FER: variants seen among roughly 807,000 people sequenced by gnomAD.
FER encodes the protein FER tyrosine kinase, also known as tyrosine-protein kinase Fer.
FER carries 63 observed loss-of-function variants against 111.0 expected under a neutral mutation model. The observed-to-expected ratio is 0.57, with a 90% CI of 0.46 to 0.70. The LOEUF (loss-of-function observed/expected upper bound fraction) is 0.70, where lower values mean the gene tolerates loss of function less well. FER is among the 30% of genes least tolerant of loss of function. The probability of loss-of-function intolerance (pLI) is 0.00; values close to 1 mark genes in which losing one functional copy is unlikely to be tolerated. For synonymous variants in FER, 327 were observed against 313.9 expected, an observed-to-expected ratio of 1.04 and a Z score of -0.44; for missense variants, 914 against 954.0, an observed-to-expected ratio of 0.96 and a Z score of 0.55.
intron 10 of FER, among the ~76,000 whole-genome samples, chr5:108,941,324 T>C (rs1027504276): frequency 5.9e-5 from 9 of 152,102 alleles, no homozygotes; most frequent in African/African-American, 2.2e-4. Flanking sequence ...TTGAGGAAAA[T>C]ATTCTTGAAT....
At chr5:109,011,939 G>A (rs1477547074) in intron 13 of FER, among the ~76,000 whole-genome samples, 1 of 152,180 alleles carries the variant, frequency 6.6e-6, no homozygotes, top group Admixed American at 6.5e-5. Flanking sequence ...TCATGCGTCA[G>A]TTACTTTGCT....
intron 16 of FER, among the ~76,000 whole-genome samples, chr5:109,097,918 G>A (rs192240571): frequency 9.5e-4 from 145 of 151,910 alleles, no homozygotes; most frequent in African/African-American, 3.2e-3. Context: ...TAGGCTTGTG[G>A]AATGGTGGAA....
Position 108,872,139 on chromosome 5 carries a change from C to G in FER, c.850C>G (p.Leu284Val), listed in dbSNP as rs199857892. ...EQEIEFDTSLLEENENLQANE... is the reference protein window; with the variant it reads ...EQEIEFDTSLVEENENLQANE... ...AGAAATAGAGTTTGATACTTCCTTA[C>G]TGGAAGAAAATGAAAATCTTCAGGC... Residue 284 changes from leucine to valine, a missense_variant, in exon 8 of 20, where the codon CTG becomes GTG. Leu to Val is a conservative substitution (Grantham distance 32). Transcript: ENST00000281092. 93 of 1,611,308 alleles carry G rather than the reference C, an allele frequency of 5.8e-5. No homozygotes were observed. The highest frequency in any genetic ancestry group is 8.4e-5 in the Admixed American group (5 of 59,600).
intron 10 of FER, among the ~76,000 whole-genome samples, chr5:108,917,174 T>C (rs1046354451): frequency 2.6e-5 from 4 of 152,200 alleles, no homozygotes; most frequent in African/African-American, 9.6e-5. Flanking sequence ...ACTTTTTTGC[T>C]AGCTATTTAA....
At chr5:109,111,836 C>T (rs1032750221) in intron 17 of FER, among the ~76,000 whole-genome samples, 5 of 152,078 alleles carry the variant, frequency 3.3e-5, no homozygotes, top group Non-Finnish European at 7.3e-5. Flanking sequence ...TCAGGTCCTC[C>T]CCCAACATTG....
intron 17 of FER, among the ~76,000 whole-genome samples, chr5:109,114,648 A>G (rs1750017603): frequency 1.3e-5 from 2 of 152,142 alleles, no homozygotes; most frequent in Non-Finnish European, 1.5e-5. Flanking sequence ...TACAGAAAAT[A>G]TGTAAAAGGA....
chr5:109,181,906 T>C (rs1338081793), intron 18 of FER, among the ~76,000 whole-genome samples: 1 of 152,216 alleles, frequency 6.6e-6, no homozygotes, highest in Admixed American at 6.5e-5. Context: ...CCTCCTCCCA[T>C]TCTTCCGTTC....
intron 3 of FER, among the ~76,000 whole-genome samples, chr5:108,813,385 G>T (rs1461551775): frequency 6.6e-6 from 1 of 151,936 alleles, no homozygotes. Flanking sequence ...TTGTGCTAGG[G>T]TCTTGTTGAC....
At chr5:108,774,378 CT>C (rs2149977174) in intron 2 of FER, among the ~76,000 whole-genome samples, 1 of 152,156 alleles carries the variant, frequency 6.6e-6, no homozygotes, top group Admixed American at 6.5e-5. Flanking sequence ...GTGTGTGTGT[CT>C]TTATAGTAGA....
intron 16 of FER, among the ~76,000 whole-genome samples, chr5:109,072,784 C>G (rs1458534090): frequency 6.6e-6 from 1 of 152,054 alleles, no homozygotes; most frequent in African/African-American, 2.4e-5. Context: ...TCTCACAACT[C>G]TGAAAGTTAG....
intron 10 of FER, among the ~76,000 whole-genome samples, chr5:108,932,323 C>T (rs1754803295): frequency 6.6e-6 from 1 of 152,160 alleles, no homozygotes; most frequent in African/African-American, 2.4e-5. Context: ...TTTCCCGCTT[C>T]ATCCATGTTC....
intron 10 of FER, among the ~76,000 whole-genome samples, chr5:108,901,524 T>C (rs1291741640): frequency 3.3e-5 from 5 of 152,124 alleles, no homozygotes; most frequent in Admixed American, 3.3e-4. Flanking sequence ...CCAGTGACAG[T>C]AAGCAGAATC....
intron 10 of FER, among the ~76,000 whole-genome samples, chr5:108,934,174 T>G (rs1370019715): frequency 6.6e-6 from 1 of 152,162 alleles, no homozygotes; most frequent in Non-Finnish European, 1.5e-5. Flanking sequence ...CAGCGTTTGC[T>G]TGGCTTTCTG....
intron 17 of FER, among the ~76,000 whole-genome samples, chr5:109,134,075 T>C (rs144970123): frequency 1.3e-5 from 2 of 152,278 alleles, no homozygotes; most frequent in Admixed American, 1.3e-4. Context: ...TTCCTAAGTA[T>C]CTTATTTCTC....
chr5:109,087,489 G>C (rs769287882), intron 16 of FER, among the ~76,000 whole-genome samples: 1 of 151,558 alleles, frequency 6.6e-6, no homozygotes, highest in Admixed American at 6.6e-5. Context: ...ATCCAACACT[G>C]ATTATATGTT....
intron 10 of FER, among the ~76,000 whole-genome samples, chr5:108,915,563 A>G (rs868418963): frequency 6.6e-6 from 1 of 151,612 alleles, no homozygotes; most frequent in East Asian, 1.9e-4. Flanking sequence ...ATGGAGCCTG[A>G]GCGTTGTTCT....
At chr5:109,174,687 T>G (rs1462592998) in intron 17 of FER, among the ~76,000 whole-genome samples, 2 of 152,180 alleles carry the variant, frequency 1.3e-5, no homozygotes, top group Non-Finnish European at 2.9e-5. Context: ...TGTTTTGTTG[T>G]TTTTTAGGGG....
chr5:108,917,568 A>C (rs1184369602), intron 10 of FER, among the ~76,000 whole-genome samples: 2 of 152,200 alleles, frequency 1.3e-5, no homozygotes, highest in Non-Finnish European at 2.9e-5. Flanking sequence ...CCATTTCCCA[A>C]AGTCAGAGAC....
At chr5:108,792,736 A>G (rs1755520214) in intron 2 of FER, among the ~76,000 whole-genome samples, 1 of 151,556 alleles carries the variant, frequency 6.6e-6, no homozygotes, top group Admixed American at 6.6e-5. Flanking sequence ...TGCTTTTGTA[A>G]TAGAATTGTT....
Sources: allele counts gnomAD v4.1 joint callset (sites outside exome capture counted in the v4.1 genomes callset), GRCh38; gene constraint gnomAD v4.1.1; transcripts MANE v1.5; gene names NCBI Gene and HGNC (gene_info 2026-07-23, HGNC 2026-07-21).